The following RYR3 variants were observed in gnomAD, a reference collection of about 807,000 sequenced individuals.
The protein encoded by RYR3 is brain ryanodine receptor-calcium release channel.
A neutral mutation model predicts 584.3 loss-of-function variants in RYR3; 207 were observed. That is an observed-to-expected ratio of 0.35 (90% CI 0.32 to 0.40). The LOEUF (loss-of-function observed/expected upper bound fraction) is 0.40, where lower values mean the gene tolerates loss of function less well. Ranked by LOEUF, RYR3 falls within the 10% of genes least tolerant of loss-of-function variation. The pLI, the probability that RYR3 is intolerant of heterozygous loss-of-function variation, is 1.00. For synonymous variants in RYR3, 2,416 were observed against 2,248.5 expected, an observed-to-expected ratio of 1.07 and a Z score of -2.11; for missense variants, 5,616 against 6,089.2, an observed-to-expected ratio of 0.92 and a Z score of 2.59.
At chr15:33,404,909 T>C (rs1029396343) in intron 1 of RYR3, among the ~76,000 whole-genome samples, 1 of 152,150 alleles carries the variant, frequency 6.6e-6, no homozygotes, top group Non-Finnish European at 1.5e-5. Context: ...GGAAATATAA[T>C]GAAAAGAGCA....
chr15:33,837,528 A>G (rs2078121945), intron 88 of RYR3, 103 bp from the exon 89 acceptor site: 1 of 1,270,194 alleles, frequency 7.9e-7, no homozygotes, highest in Middle Eastern at 2.1e-4. Context: ...AGAAGAGCTG[A>G]CTAATTTGGC....
At chr15:33,682,795 A>G (rs550870143) in intron 38 of RYR3, among the ~76,000 whole-genome samples, 200 of 152,296 alleles carry the variant, frequency 1.3e-3, no homozygotes, top group African/African-American at 4.6e-3. Context: ...GTCAGTGCAT[A>G]AAAATCCTAG....
Position 33,786,972 on chromosome 15 carries a change from G to C in RYR3, c.9589+990G>C, listed in dbSNP as rs148985917. Among the ~76,000 whole-genome samples the C allele has an allele frequency of 7.1e-3, 1,079 of 152,238 alleles. 8 individuals are homozygous for C. The highest frequency in any genetic ancestry group is 0.011 in the Non-Finnish European group (741 of 68,012). ...TATTACCCATTAGCCCTAAAATATT[G>C]TTAACCATAAGGTAATTTTTCAATG... On this transcript the variant is annotated intron_variant, in intron 66 of 103. Coordinates refer to ENST00000634891, the MANE Select transcript of RYR3 (RefSeq NM_001036.6).
At chr15:33,324,410 C>T (rs1230121130) in intron 1 of RYR3, among the ~76,000 whole-genome samples, 1 of 152,150 alleles carries the variant, frequency 6.6e-6, no homozygotes, top group East Asian at 1.9e-4. Flanking sequence ...TCACTAATGT[C>T]GCCATTTTTA....
intron 36 of RYR3, among the ~76,000 whole-genome samples, chr15:33,667,977 C>G (rs1428978787): frequency 2.7e-5 from 4 of 146,402 alleles, no homozygotes; most frequent in South Asian, 2.2e-4. Context: ...GCAGGAGAAT[C>G]ACTTTAACCC....
At chr15:33,547,294 G>A (rs1055636000) in intron 8 of RYR3, among the ~76,000 whole-genome samples, 14 of 152,170 alleles carry the variant, frequency 9.2e-5, no homozygotes, top group African/African-American at 1.9e-4. Context: ...CAGAGGAAAC[G>A]GGAGACATGG....
At chr15:33,320,467 T>C (rs528271810) in intron 1 of RYR3, among the ~76,000 whole-genome samples, 4 of 152,338 alleles carry the variant, frequency 2.6e-5, no homozygotes, top group African/African-American at 7.2e-5. Flanking sequence ...GGAAGTTACA[T>C]AGATGAAAAA....
intron 46 of RYR3, among the ~76,000 whole-genome samples, 181 bp downstream of exon 46, chr15:33,726,687 CTT>C (rs1284194265): frequency 1.3e-5 from 2 of 152,258 alleles, no homozygotes; most frequent in Non-Finnish European, 2.9e-5. Context: ...CAGCTGCTCT[CTT>C]GTCTTCTCAA....
At chr15:33,601,019 T>A (rs570441150) in intron 16 of RYR3, among the ~76,000 whole-genome samples, 34 of 152,120 alleles carry the variant, frequency 2.2e-4, no homozygotes, top group Non-Finnish European at 4.7e-4. Context: ...GCTCAGACAG[T>A]GAGCAGGGCC....
chr15:33,534,730 A>T (rs2055180037), intron 5 of RYR3, among the ~76,000 whole-genome samples: 1 of 152,214 alleles, frequency 6.6e-6, no homozygotes, highest in African/African-American at 2.4e-5. Context: ...AGGAGTTGAA[A>T]GGAGGCACAT....
At chr15:33,657,172 C>T (rs1442406663) in intron 32 of RYR3, among the ~76,000 whole-genome samples, 3 of 152,104 alleles carry the variant, frequency 2.0e-5, no homozygotes, top group Admixed American at 6.5e-5. Context: ...CTATACTCTG[C>T]GTGGTGGAAA....
chr15:33,564,898 A>G (rs897332098), intron 11 of RYR3, among the ~76,000 whole-genome samples: 3 of 152,254 alleles, frequency 2.0e-5, no homozygotes, highest in African/African-American at 7.2e-5. Context: ...TTTCCTAAGA[A>G]GCATGTTAAG....
chr15:33,491,857 T>C (rs2050989968), intron 2 of RYR3, among the ~76,000 whole-genome samples: 1 of 152,300 alleles, frequency 6.6e-6, no homozygotes. Flanking sequence ...GGTTTCCCTG[T>C]GTTTATCAGA....
chr15:33,370,855 G>A (rs948800248), intron 1 of RYR3, among the ~76,000 whole-genome samples: 10 of 152,152 alleles, frequency 6.6e-5, no homozygotes, highest in African/African-American at 1.2e-4. Context: ...TAGAGCAGTA[G>A]CATTTAGAGA....
chr15:33,595,635 T>C (rs8025132), intron 16 of RYR3, among the ~76,000 whole-genome samples: 1,672 of 152,266 alleles, frequency 0.011, 37 homozygotes, highest in African/African-American at 0.038. Flanking sequence ...AGGAATGCAG[T>C]TTATTTTGAT....
intron 2 of RYR3, among the ~76,000 whole-genome samples, chr15:33,496,473 C>T (rs1019973329): frequency 6.6e-6 from 1 of 152,146 alleles, no homozygotes; most frequent in East Asian, 1.9e-4. Context: ...TTCCTTTGCT[C>T]ACACCCATTC....
intron 1 of RYR3, among the ~76,000 whole-genome samples, chr15:33,435,762 G>C (rs993006710): frequency 6.6e-6 from 1 of 152,054 alleles, no homozygotes; most frequent in Non-Finnish European, 1.5e-5. Flanking sequence ...GCAGACCCTC[G>C]CAGTGTTACA....
At chr15:33,663,845 G>A in intron 36 of RYR3, 108 bp downstream of exon 36, 1 of 954,398 alleles carries the variant, frequency 1.0e-6, no homozygotes, top group Non-Finnish European at 1.6e-6. Flanking sequence ...CAAGAGCTAT[G>A]GAAGATGAAA....
intron 3 of RYR3, among the ~76,000 whole-genome samples, chr15:33,528,944 C>T (rs926983542): frequency 3.3e-5 from 5 of 152,088 alleles, no homozygotes; most frequent in African/African-American, 9.7e-5. Flanking sequence ...TCAGTGGATC[C>T]GTTTGAGATG....
Sources: allele counts gnomAD v4.1 joint callset (sites outside exome capture counted in the v4.1 genomes callset), GRCh38; gene constraint gnomAD v4.1.1; transcripts MANE v1.5; gene names NCBI Gene and HGNC (gene_info 2026-07-23, HGNC 2026-07-21).